The following PDS5A variants were observed in gnomAD, a reference collection of about 807,000 sequenced individuals.
PDS5A encodes sister chromatid cohesion protein PDS5 homolog A.
A neutral mutation model predicts 167.1 loss-of-function variants in PDS5A; 42 were observed. The ratio of observed to expected loss-of-function variants is 0.25; its 90% CI spans 0.20 to 0.33. The LOEUF (loss-of-function observed/expected upper bound fraction) is 0.33, where lower values mean the gene tolerates loss of function less well. Among genes scored for constraint, PDS5A ranks in the 10% least tolerant of loss-of-function variants. PDS5A has a pLI of 1.00. For synonymous variants in PDS5A, 553 were observed against 554.6 expected (o/e 1.00, Z 0.04); for missense variants, 1,033 against 1,605.9 (o/e 0.64, Z 6.10).
At chr4:39,949,443 A>C (rs973987950) in intron 2 of PDS5A, among the ~76,000 whole-genome samples, 11 of 152,078 alleles carry the variant, frequency 7.2e-5, no homozygotes, top group Non-Finnish European at 1.0e-4. Context: ...CATAGACAAA[A>C]AGTAGGTTAG....
In PDS5A at chr4:39,929,606, C is replaced by CGTGT. The variant is rs58333282; in HGVS notation, c.139-1446_139-1443dup. 2.5e-3 allele frequency among the ~76,000 whole-genome samples: 325 copies of CGTGT among 130,814 alleles called. 5 individuals are homozygous for CGTGT. The highest frequency in any genetic ancestry group is 0.018 in the East Asian group (82 of 4,628). The allele number at this position is 130,814 out of a possible 152,430, so 85.8% of individuals were successfully genotyped here. On this transcript the variant is annotated intron_variant, in intron 2 of 32. Transcript: ENST00000303538. ...ATCTCCTATACATATCCTATTGGGG[C>CGTGT]GTGTGTGTGTGTGTGTGTGTGTGTA...
At chr4:39,959,969 A>G (rs1220873947) in intron 2 of PDS5A, among the ~76,000 whole-genome samples, 1 of 152,036 alleles carries the variant, frequency 6.6e-6, no homozygotes, top group Non-Finnish European at 1.5e-5. Flanking sequence ...GTACGTAACC[A>G]GCAGTCCCAC....
At chr4:39,886,896 A>C (rs1379276401) in intron 17 of PDS5A, among the ~76,000 whole-genome samples, 1 of 151,648 alleles carries the variant, frequency 6.6e-6, no homozygotes, top group Non-Finnish European at 1.5e-5. Flanking sequence ...ATTATAAATA[A>C]GATTGCTTTC....
chr4:39,836,829 G>C lies in PDS5A; in HGVS notation c.4010+1027C>G, dbSNP rs1198248658. 6.9e-5 allele frequency among the ~76,000 whole-genome samples: 9 copies of C among 130,214 alleles called. No individual in the cohort carries two copies. In the Admixed American group the frequency reaches 7.3e-4, roughly 11 times the overall value. The allele number at this position is 130,214 out of a possible 152,430, so 85.4% of individuals were successfully genotyped here. A position where few individuals can be genotyped will look rare whatever the true frequency, so the allele number is the denominator to read the frequency against. ...CAGTAACTTTTTTTTTTTTTTTTGA[G>C]ACACAGTCTCCTTCTGTCACCCAGG... On this transcript the variant is annotated intron_variant, in intron 32 of 32. Transcript: ENST00000303538.
chr4:39,936,746 T>C (rs1726655486), intron 2 of PDS5A: 1 of 152,144 alleles, frequency 6.6e-6, no homozygotes, highest in Admixed American at 6.5e-5. Flanking sequence ...GAAAGCACTA[T>C]GTTTACTGTC....
At chr4:39,965,394 AGTAGCCATGT>A (rs1238623190) in intron 2 of PDS5A, among the ~76,000 whole-genome samples, 7 of 152,230 alleles carry the variant, frequency 4.6e-5, no homozygotes, top group Non-Finnish European at 1.0e-4. Flanking sequence ...GAGTGAGCCC[AGTAGCCATGT>A]GTAGCAGACG....
In PDS5A at chr4:39,867,113, A is replaced by G. The variant is rs188190316; in HGVS notation, c.2506-116T>C. 267 of 787,226 alleles carry G rather than the reference A, an allele frequency of 3.4e-4. No homozygotes were observed. The African/African-American group carries it at 4.0e-3, about 12-fold the overall frequency. 48.8% of individuals were successfully genotyped at this position (787,226 alleles called of 1,614,324 possible). On this transcript the variant is annotated intron_variant, in intron 22 of 32. Coordinates refer to ENST00000303538, the MANE Select transcript of PDS5A (RefSeq NM_001100399.2). ...TCTCCATCAGCAGACATTTTATTAAATAAGTCTATGGGATAATAACAGCAA... is the reference window on the plus strand; with the variant it reads ...TCTCCATCAGCAGACATTTTATTAAGTAAGTCTATGGGATAATAACAGCAA...
chr4:39,947,093 T>A (rs756476251), intron 2 of PDS5A, among the ~76,000 whole-genome samples: 5 of 151,814 alleles, frequency 3.3e-5, no homozygotes, highest in Non-Finnish European at 7.4e-5. Context: ...GAAAAAAAAA[T>A]TAATTAAAAT....
At chr4:39,903,718 C>G (rs1300501920) in intron 12 of PDS5A, among the ~76,000 whole-genome samples, 1 of 152,096 alleles carries the variant, frequency 6.6e-6, no homozygotes, top group African/African-American at 2.4e-5. Flanking sequence ...CTGAAGCGCA[C>G]AAGACCTTAA....
At chr4:39,863,516 A>C (rs1316522546) in intron 23 of PDS5A, 57 bp from the exon 24 acceptor site, 1 of 1,329,506 alleles carries the variant, frequency 7.5e-7, no homozygotes, top group Non-Finnish European at 1.0e-6. Context: ...ATTCATAAAA[A>C]TGCTTTCGTC....
chr4:39,846,695 A>T (rs1233072082), intron 28 of PDS5A: 3 of 152,242 alleles, frequency 2.0e-5, no homozygotes, highest in Non-Finnish European at 4.4e-5. Flanking sequence ...AATGGCAAAC[A>T]AACCACAATG....
intron 8 of PDS5A, 131 bp from the exon 9 acceptor site, chr4:39,913,857 G>A (rs1467847776): frequency 3.2e-6 from 2 of 626,202 alleles, no homozygotes; most frequent in African/African-American, 3.7e-5. Context: ...AATATCATAT[G>A]TCCTCACTTA....
chr4:39,964,788 T>C (rs1052132085), intron 2 of PDS5A, among the ~76,000 whole-genome samples: 1 of 151,604 alleles, frequency 6.6e-6, no homozygotes, highest in African/African-American at 2.4e-5. Flanking sequence ...GTGAAACACA[T>C]AAAAATTAGG....
intron 16 of PDS5A, among the ~76,000 whole-genome samples, chr4:39,894,218 G>C (rs1412495547): frequency 6.6e-6 from 1 of 152,056 alleles, no homozygotes; most frequent in African/African-American, 2.4e-5. Flanking sequence ...GACCAGCCTG[G>C]GCAACATGGT....
At chr4:39,932,786 C>T (rs60338928) in intron 2 of PDS5A, 1,863 of 152,364 alleles carry the variant, frequency 0.012, 44 homozygotes, top group African/African-American at 0.042. Context: ...GCTGAGATCA[C>T]GCCACTGCAC....
intron 14 of PDS5A, among the ~76,000 whole-genome samples, chr4:39,899,440 T>C (rs56310569): frequency 0.25 from 37,383 of 152,188 alleles, 5,068 homozygotes; most frequent in East Asian, 0.44. Context: ...AATATAGTCA[T>C]GTCCATTCAT....
chr4:39,962,019 G>T (rs536536757), intron 2 of PDS5A, among the ~76,000 whole-genome samples: 2 of 150,864 alleles, frequency 1.3e-5, no homozygotes, highest in African/African-American at 2.4e-5. Flanking sequence ...CTTCCTACCC[G>T]CATTTCTCCA....
Position 39,862,792 on chromosome 4 carries a change from A to G in PDS5A, c.2971+77T>C, listed in dbSNP as rs528449272. 1.7e-5 allele frequency: 14 copies of G among 842,734 alleles called. No homozygotes were observed. In the South Asian group the frequency reaches 2.2e-4, roughly 13 times the overall value. The allele number at this position is 842,734 out of a possible 1,614,324, so 52.2% of individuals were successfully genotyped here. On this transcript the variant is annotated intron_variant, in intron 25 of 32. Coordinates refer to ENST00000303538, the MANE Select transcript of PDS5A (RefSeq NM_001100399.2). ...TTATTATAAACTATAATAGAAACAC[A>G]TGACAAGAAAAAAAAAACCTAAAAA...
chr4:39,921,414 A>C (rs1724951219), intron 6 of PDS5A, among the ~76,000 whole-genome samples: 1 of 152,048 alleles, frequency 6.6e-6, no homozygotes, highest in Admixed American at 6.6e-5. Flanking sequence ...TCTATTTCTT[A>C]AAAGAAGTCT....
Sources: gnomAD v4.1 joint callset for allele counts (sites outside exome capture counted in the v4.1 genomes callset) on GRCh38, gnomAD v4.1.1 for gene constraint, MANE v1.5 for transcripts, NCBI Gene and HGNC (gene_info 2026-07-23, HGNC 2026-07-21) for gene names.